RHOBTB1: variants seen among roughly 807,000 people sequenced by gnomAD.
The protein encoded by RHOBTB1 is Rho related BTB domain containing 1.
Under a neutral mutation model 71.6 loss-of-function variants are expected in RHOBTB1, and 40 were observed. That is an observed-to-expected ratio of 0.56 (90% CI 0.43 to 0.73). The LOEUF is 0.73. Among genes scored for constraint, RHOBTB1 ranks in the 30% least tolerant of loss-of-function variants. RHOBTB1 has a pLI of 0.00. For missense variants in RHOBTB1, 797 were observed against 894.0 expected (o/e 0.89, Z 1.38); for synonymous variants, 319 against 334.9 (o/e 0.95, Z 0.52).
chr10:60,891,331 TTGC>T (rs1231745036), intron 5 of RHOBTB1, among the ~76,000 whole-genome samples: 1 of 140,330 alleles, frequency 7.1e-6, no homozygotes, highest in African/African-American at 2.7e-5. Flanking sequence ...TTGTTGCTGT[TTGC>T]TTTTTTTTTT....
chr10:60,862,688 CCT>C, the RHOBTB1 span, among the ~76,000 whole-genome samples: 6 of 142,238 alleles, frequency 4.2e-5, no homozygotes, highest in African/African-American at 1.1e-4. Context: ...CTCTTTACTT[CCT>C]CTTTCTTTTC....
chr10:60,910,809 T>A, intron 4 of RHOBTB1, 78 bp downstream of exon 4: 2 of 1,060,382 alleles, frequency 1.9e-6, no homozygotes, highest in Non-Finnish European at 2.9e-6. Context: ...GTGGTTTTTG[T>A]TGATTTGTAA....
Position 60,871,401 on chromosome 10 carries a change from C to T in RHOBTB1, c.*81G>A, listed in dbSNP as rs185676296. 3.3e-5 allele frequency: 48 copies of T among 1,435,422 alleles called. 1 individual carries two copies. In the Admixed American group the frequency reaches 4.4e-4, roughly 13 times the overall value. 88.9% of individuals were successfully genotyped at this position (1,435,422 alleles called of 1,614,324 possible). ...GAACTATGTCGTATCTCTAACAAGA[C>T]GAATTTTATAGTAGTGCTTTGAAAA... is the stretch of plus-strand genomic sequence containing the variant. On this transcript the variant is annotated 3_prime_UTR_variant, in exon 11 of 11. Transcript: ENST00000337910.
upstream of RHOBTB1, among the ~76,000 whole-genome samples, chr10:60,944,812 C>T (rs1229738955): frequency 1.3e-5 from 2 of 152,210 alleles, no homozygotes; most frequent in Non-Finnish European, 2.9e-5. Context: ...CTGGCTCCTC[C>T]ACTCTGGGTT....
chr10:60,980,137 G>A (rs1326584237), intron 2 of RHOBTB1, among the ~76,000 whole-genome samples: 1 of 152,138 alleles, frequency 6.6e-6, no homozygotes, highest in South Asian at 2.1e-4. Flanking sequence ...GAAGCAAAGT[G>A]ATCAGTTAAA....
At chr10:60,920,220 C>T (rs948597059) in intron 2 of RHOBTB1, among the ~76,000 whole-genome samples, 1 of 152,062 alleles carries the variant, frequency 6.6e-6, no homozygotes. Flanking sequence ...TATAGGTGTA[C>T]AGTGAAAAGC....
Position 60,888,409 on chromosome 10 carries a change from G to A in RHOBTB1, c.1259C>T (p.Thr420Met), listed in dbSNP as rs549539156. 17 of 1,614,014 alleles carry A rather than the reference G, an allele frequency of 1.1e-5. No homozygotes were observed. Among genetic ancestry groups the A allele is most frequent in the South Asian group, 4.4e-5 (4 of 91,082 alleles). ...CTTTTCCTTTTCATCCAGTTGTCCCGTATAAAGAAACTGGAGCAGGGTCCG... is the reference window on the plus strand; with the variant it reads ...CTTTTCCTTTTCATCCAGTTGTCCCATATAAAGAAACTGGAGCAGGGTCCG... ...PFRTLLQFLY[T>M]GQLDEKEKDL... The change falls in exon 6 of 11, where the codon ACG (threonine) becomes ATG (methionine). Residue 420 changes from threonine to methionine, a missense_variant. Thr to Met is a moderately conservative substitution (Grantham distance 81). Around this residue, in one of 2 missense-constraint regions of RHOBTB1, gnomAD observed 658 missense variants for 681.5 expected, o/e 0.97. Coordinates refer to ENST00000337910, the MANE Select transcript of RHOBTB1 (RefSeq NM_014836.5).
chr10:60,966,303 C>T (rs1040126188), intron 2 of RHOBTB1, among the ~76,000 whole-genome samples: 7 of 148,006 alleles, frequency 4.7e-5, no homozygotes, highest in Admixed American at 1.3e-4. Flanking sequence ...TGATTATATT[C>T]GAAAAAAAAA....
chr10:60,944,448 C>T (rs1257334397), upstream of RHOBTB1, among the ~76,000 whole-genome samples: 2 of 152,194 alleles, frequency 1.3e-5, no homozygotes, highest in Non-Finnish European at 2.9e-5. Flanking sequence ...CTACGCAGAC[C>T]CGACGGGCCC....
intron 1 of RHOBTB1, among the ~76,000 whole-genome samples, chr10:60,996,139 T>A (rs1375651346): frequency 6.6e-6 from 1 of 152,210 alleles, no homozygotes; most frequent in Non-Finnish European, 1.5e-5. Context: ...TGATTGACTC[T>A]GGAGCTTGGG....
intron 2 of RHOBTB1, among the ~76,000 whole-genome samples, chr10:60,980,835 T>A (rs1379034193): frequency 6.6e-6 from 1 of 152,270 alleles, no homozygotes; most frequent in Non-Finnish European, 1.5e-5. Flanking sequence ...TAGAACAAAT[T>A]GGGACTGAAA....
chr10:60,883,889 G>C (rs2081443856), intron 7 of RHOBTB1, among the ~76,000 whole-genome samples: 1 of 152,176 alleles, frequency 6.6e-6, no homozygotes, highest in African/African-American at 2.4e-5. Context: ...TGGAGGAGTT[G>C]AGATTTGAGT....
rs144349163 is a variant in RHOBTB1 at position 60,968,402 on chromosome 10, G to A, written c.-62+17443C>T. 1.4e-3 allele frequency among the ~76,000 whole-genome samples: 220 copies of A among 152,210 alleles called. 1 individual carries two copies. The highest frequency in any genetic ancestry group is 5.1e-3 in the African/African-American group (213 of 41,542). On this transcript the variant is annotated intron_variant, in intron 2 of 11. Coordinates refer to the RHOBTB1 transcript ENST00000357917. ...CCTAGTTCAATGTTTTAAAACAGGA[G>A]TATGAGCACCAAAATAACAAGTTTT...
rs117078537 is a variant in RHOBTB1, at chr10:60,992,622, C to T, written c.-162-6677G>A. Among the ~76,000 whole-genome samples the T allele has an allele frequency of 3.3e-4, 50 of 152,212 alleles. No individual in the cohort carries two copies. In the East Asian group the frequency reaches 6.8e-3, roughly 21 times the overall value. On this transcript the variant is annotated intron_variant, in intron 1 of 11. Coordinates refer to the RHOBTB1 transcript ENST00000357917. Reference sequence around the variant, plus strand: ...CTGTATCAGGATCTCAATAAATAGGCGAAACTCAAATGTTGCATAAGATGT... The same window carrying T: ...CTGTATCAGGATCTCAATAAATAGGTGAAACTCAAATGTTGCATAAGATGT...
chr10:60,939,009 C>G (rs2084756353), intron 2 of RHOBTB1, among the ~76,000 whole-genome samples: 1 of 152,144 alleles, frequency 6.6e-6, no homozygotes, highest in Non-Finnish European at 1.5e-5. Flanking sequence ...GAGACGGAAC[C>G]TGAGATCATA....
chr10:60,861,318 A>T, the RHOBTB1 span, among the ~76,000 whole-genome samples: 3 of 152,222 alleles, frequency 2.0e-5, no homozygotes, highest in African/African-American at 7.2e-5. Flanking sequence ...GATATTGGTC[A>T]AATGGAATTT....
intron 9 of RHOBTB1, among the ~76,000 whole-genome samples, chr10:60,874,588 G>T: frequency 6.6e-6 from 1 of 152,174 alleles, no homozygotes; most frequent in East Asian, 1.9e-4. Flanking sequence ...ATTAACAGGG[G>T]AGGCACTACG....
chr10:60,930,651 G>A (rs1170042869), intron 2 of RHOBTB1, among the ~76,000 whole-genome samples: 1 of 152,046 alleles, frequency 6.6e-6, no homozygotes, highest in Admixed American at 6.5e-5. Context: ...CTTATGAATA[G>A]AGAGGCATGG....
At chr10:60,964,861 A>C (rs372490577) in intron 2 of RHOBTB1, among the ~76,000 whole-genome samples, 11 of 152,256 alleles carry the variant, frequency 7.2e-5, no homozygotes, top group African/African-American at 2.6e-4. Flanking sequence ...TTAAACTTCA[A>C]CCTTCTTTAT....
Sources: allele counts gnomAD v4.1 joint callset (sites outside exome capture counted in the v4.1 genomes callset), GRCh38; gene constraint gnomAD v4.1.1; regional missense constraint gnomAD v4.1.1; transcripts MANE v1.5; gene names NCBI Gene and HGNC (gene_info 2026-07-23, HGNC 2026-07-21).